Variants in PRRC2B observed in about 807,000 individuals in gnomAD.
PRRC2B encodes proline rich coiled-coil 2B.
PRRC2B carries 68 observed loss-of-function variants against 242.3 expected under a neutral mutation model. The observed-to-expected ratio is 0.28, with a 90% confidence interval of 0.23 to 0.34. The LOEUF (loss-of-function observed/expected upper bound fraction) is 0.34. PRRC2B is among the 10% of genes least tolerant of loss of function. The pLI is 1.00. For missense variants in PRRC2B, 2,835 were observed against 2,954.8 expected, an observed-to-expected ratio of 0.96 and a Z score of 0.94; for synonymous variants, 1,228 against 1,173.6, an observed-to-expected ratio of 1.05 and a Z score of -0.95.
At chr9:131,407,872 G>A (rs1837407106) in intron 1 of PRRC2B, among the ~76,000 whole-genome samples, 1 of 152,192 alleles carries the variant, frequency 6.6e-6, no homozygotes, top group African/African-American at 2.4e-5. Context: ...CAAATAGGGG[G>A]TGATAGTAAG....
In PRRC2B at chr9:131,476,139, G is replaced by A. The variant is rs776028262; in HGVS notation, c.4010G>A (p.Gly1337Asp). ...GPEEEPHLLA[G>D]QWPGRPKLCS... ...GAGGAGGAGCCCCACCTGCTGGCAG[G>A]TCAGTGGCCAGGCAGGCCCAAACTG... The change falls in exon 16 of 32, where the codon GGT becomes GAT. Residue 1337 changes from glycine to aspartate, a missense_variant. This residue lies in a region of PRRC2B where 1,536 missense variants were observed against 1,483.1 expected (regional missense o/e 1.04). Coordinates refer to ENST00000683519, the MANE Select transcript of PRRC2B (RefSeq NM_013318.4). 1.9e-6 allele frequency: 3 copies of A among 1,611,416 alleles called. No individual in the cohort carries two copies. In the East Asian group the frequency reaches 6.7e-5, roughly 36 times the overall value.
chr9:131,476,770 G>C (rs1943715374), intron 16 of PRRC2B, among the ~76,000 whole-genome samples: 1 of 148,412 alleles, frequency 6.7e-6, no homozygotes, highest in South Asian at 2.2e-4. Context: ...TGAGGCCACT[G>C]TCCAGCACCT....
intron 1 of PRRC2B, among the ~76,000 whole-genome samples, chr9:131,401,399 T>C (rs993559093): frequency 6.6e-6 from 1 of 151,306 alleles, no homozygotes; most frequent in Non-Finnish European, 1.5e-5. Context: ...TTTTTTTTTT[T>C]TTGAGATAGG....
intron 1 of PRRC2B, among the ~76,000 whole-genome samples, chr9:131,423,121 G>A (rs896426237): frequency 2.0e-5 from 3 of 152,326 alleles, no homozygotes; most frequent in East Asian, 1.9e-4. Context: ...GAGAGAAAAC[G>A]AATTCTGTTG....
chr9:131,490,313 A>ACC (rs1268044333), intron 28 of PRRC2B, among the ~76,000 whole-genome samples: 1 of 148,696 alleles, frequency 6.7e-6, no homozygotes, highest in East Asian at 2.0e-4. Flanking sequence ...TCCCCTCCAC[A>ACC]CCCCTGCATG....
intron 1 of PRRC2B, among the ~76,000 whole-genome samples, chr9:131,395,041 A>C (rs1188738277): frequency 6.6e-6 from 1 of 150,992 alleles, no homozygotes; most frequent in Non-Finnish European, 1.5e-5. Context: ...TGGGCCTCTG[A>C]AGAGTGGATT....
rs1943684742 is a variant in PRRC2B at position 131,476,026 on chromosome 9, C to T, written c.3897C>T (p.Phe1299=). 6.2e-7 allele frequency: 1 copy of T among 1,605,282 alleles called. No individual in the cohort carries two copies. The highest frequency in any genetic ancestry group is 1.3e-5 in the African/African-American group (1 of 74,642). Residue 1299 remains phenylalanine, a synonymous_variant, in exon 16 of 32, where the codon TTC becomes TTT. Coordinates refer to ENST00000683519, the MANE Select transcript of PRRC2B (RefSeq NM_013318.4). The part of the protein sequence containing the change: ...ADSENAENRP[F]RRRRPPRQDK... ...CTGAAAATGCAGAGAACCGGCCCTT[C>T]AGGAGAAGGCGCCCCCCACGCCAAG...
At chr9:131,390,152 G>A (rs950678228), upstream of PRRC2B, among the ~76,000 whole-genome samples, 4 of 149,628 alleles carry the variant, frequency 2.7e-5, no homozygotes, top group African/African-American at 4.9e-5. Flanking sequence ...TGACCTCGTG[G>A]TCCTCCCGCC....
Position 131,497,402 on chromosome 9 carries a change from G to A in PRRC2B, c.*1528G>A, listed in dbSNP as rs1350775076. 3 of 152,230 alleles carry A rather than the reference G, an allele frequency of 2.0e-5. No homozygotes were observed. The highest frequency in any genetic ancestry group is 1.3e-4 in the Admixed American group (2 of 15,286). 9.4% of individuals were successfully genotyped at this position (152,230 alleles called of 1,614,324 possible). A position where few individuals can be genotyped will look rare whatever the true frequency, so the allele number is the denominator to read the frequency against. ...AGGGGACAGTTCAGGTTTCTCAGCTGTTCTTAGGGGTCACTGAGCGTCTAC... is the reference window on the plus strand; with the variant it reads ...AGGGGACAGTTCAGGTTTCTCAGCTATTCTTAGGGGTCACTGAGCGTCTAC... On this transcript the variant is annotated 3_prime_UTR_variant, in exon 32 of 32. Transcript: ENST00000683519.
chr9:131,431,306 A>T (rs2131325626), intron 2 of PRRC2B, among the ~76,000 whole-genome samples: 1 of 151,644 alleles, frequency 6.6e-6, no homozygotes, highest in East Asian at 2.0e-4. Context: ...AATTTTTTGT[A>T]TTTTTAGTAG....
Position 131,498,535 on chromosome 9 carries a change from A to G in PRRC2B, c.*2661A>G, listed in dbSNP as rs1944390221. ...GTGCAGAGATGTTTTAAGGTGCAAT[A>G]TATCTCTTCCTTTCCCGTGGTTTTA... On this transcript the variant is annotated 3_prime_UTR_variant, in exon 32 of 32. Transcript: ENST00000683519. The G allele has an allele frequency of 4.6e-5, 7 of 152,250 alleles. No homozygotes were observed. The South Asian group carries it at 1.4e-3, about 31-fold the overall frequency. 9.4% of individuals were successfully genotyped at this position (152,250 alleles called of 1,614,324 possible). A position where few individuals can be genotyped will look rare whatever the true frequency, so the allele number is the denominator to read the frequency against.
chr9:131,388,515 C>G (rs1305011499), intron 1 of PRRC2B, among the ~76,000 whole-genome samples: 1 of 149,694 alleles, frequency 6.7e-6, no homozygotes, highest in Non-Finnish European at 1.5e-5. Flanking sequence ...GCTGGGATTA[C>G]AGACGTGTGC....
At chr9:131,404,216 C>CTTT (rs34149279) in intron 1 of PRRC2B, among the ~76,000 whole-genome samples, 4 of 127,040 alleles carry the variant, frequency 3.1e-5, no homozygotes, top group Admixed American at 1.6e-4. Context: ...TCCCAGTTGA[C>CTTT]TTTTTTTTTT....
chr9:131,399,139 C>A (rs1049215075), intron 1 of PRRC2B, among the ~76,000 whole-genome samples: 1 of 150,512 alleles, frequency 6.6e-6, no homozygotes, highest in African/African-American at 2.5e-5. Flanking sequence ...AGCTGGATGC[C>A]GTGGCGAGTG....
chr9:131,416,426 G>A (rs1449728239), intron 1 of PRRC2B, among the ~76,000 whole-genome samples: 2 of 151,930 alleles, frequency 1.3e-5, no homozygotes, highest in Non-Finnish European at 1.5e-5. Context: ...TCTTCTAATT[G>A]GATTATTTTA....
chr9:131,469,218 G>C (rs912444783), intron 13 of PRRC2B, among the ~76,000 whole-genome samples: 1 of 152,078 alleles, frequency 6.6e-6, no homozygotes, highest in Non-Finnish European at 1.5e-5. Flanking sequence ...CCTGTAATCC[G>C]AGCTACTCAG....
intron 28 of PRRC2B, among the ~76,000 whole-genome samples, chr9:131,489,560 C>G (rs1340582870): frequency 6.6e-6 from 1 of 152,076 alleles, no homozygotes; most frequent in Non-Finnish European, 1.5e-5. Flanking sequence ...AGCCACATGG[C>G]CTTTGCATTT....
intron 20 of PRRC2B, 132 bp downstream of exon 20, chr9:131,481,940 TC>T: frequency 1.2e-6 from 1 of 804,734 alleles, no homozygotes; most frequent in Non-Finnish European, 2.1e-6. Context: ...TTAGGTTGTT[TC>T]CATGGGGCCA....
At chr9:131,436,952 T>C (rs1345600103) in intron 4 of PRRC2B, among the ~76,000 whole-genome samples, 1 of 152,176 alleles carries the variant, frequency 6.6e-6, no homozygotes, top group Non-Finnish European at 1.5e-5. Context: ...AGATACAGAC[T>C]AGGATACAGG....
Sources: allele counts gnomAD v4.1 joint callset (sites outside exome capture counted in the v4.1 genomes callset), GRCh38; gene constraint gnomAD v4.1.1; regional missense constraint gnomAD v4.1.1; transcripts MANE v1.5; gene names NCBI Gene and HGNC (gene_info 2026-07-23, HGNC 2026-07-21).